KIAA0319L: variants seen among roughly 807,000 people sequenced by gnomAD.
The protein encoded by KIAA0319L is dyslexia-associated protein KIAA0319-like protein.
A neutral mutation model predicts 120.1 loss-of-function variants in KIAA0319L; 55 were observed. That is an observed-to-expected ratio of 0.46 (90% CI 0.37 to 0.57). The LOEUF is 0.57. Ranked by LOEUF, KIAA0319L falls within the 20% of genes least tolerant of loss-of-function variation. The pLI is 0.00. For missense variants in KIAA0319L, 1,049 were observed against 1,255.3 expected (o/e 0.84, Z 2.48); for synonymous variants, 398 against 471.9 (o/e 0.84, Z 2.03).
intron 13 of KIAA0319L, among the ~76,000 whole-genome samples, chr1:35,450,817 T>C (rs548251712): frequency 2.0e-5 from 3 of 152,230 alleles, no homozygotes; most frequent in Non-Finnish European, 2.9e-5. Flanking sequence ...AGGTATGTGA[T>C]GATCAGAAAT....
chr1:35,533,441 G>A (rs576924761), intron 2 of KIAA0319L: 13 of 152,178 alleles, frequency 8.5e-5, no homozygotes, highest in African/African-American at 2.4e-4. Flanking sequence ...TGGGGTTTTC[G>A]CTGCAGAAAC....
chr1:35,504,506 A>C (rs955738603), intron 3 of KIAA0319L, among the ~76,000 whole-genome samples: 2 of 152,118 alleles, frequency 1.3e-5, no homozygotes, highest in African/African-American at 4.8e-5. Flanking sequence ...AATTTTCTTA[A>C]CATTTTATCT....
chr1:35,538,929 T>C (rs544655396), intron 2 of KIAA0319L, among the ~76,000 whole-genome samples: 4 of 152,194 alleles, frequency 2.6e-5, no homozygotes, highest in East Asian at 1.9e-4. Context: ...TTATCTAGTA[T>C]AGACTATCTC....
At chr1:35,471,178 A>T (rs757402164) in intron 5 of KIAA0319L, among the ~76,000 whole-genome samples, 23 of 152,160 alleles carry the variant, frequency 1.5e-4, no homozygotes, top group African/African-American at 5.6e-4. Flanking sequence ...CTCTCTCCCA[A>T]CAATGCTTAT....
At chr1:35,436,962 ACT>A (rs1182758866) in intron 20 of KIAA0319L, among the ~76,000 whole-genome samples, 23 of 151,850 alleles carry the variant, frequency 1.5e-4, no homozygotes, top group Admixed American at 5.2e-4. Flanking sequence ...CCTCCTAGTG[ACT>A]CTACTCTAGG....
chr1:35,531,367 G>T (rs1045392378), intron 2 of KIAA0319L, among the ~76,000 whole-genome samples: 1 of 152,208 alleles, frequency 6.6e-6, no homozygotes, highest in African/African-American at 2.4e-5. Flanking sequence ...CTTGCTGCTA[G>T]AGCCCTCTAG....
chr1:35,532,240 CAA>C (rs542083819), intron 2 of KIAA0319L, among the ~76,000 whole-genome samples: 12 of 98,432 alleles, frequency 1.2e-4, no homozygotes, highest in Non-Finnish European at 1.5e-4. Context: ...GACTCCGTCT[CAA>C]AAAAAAAAAA....
intron 2 of KIAA0319L, among the ~76,000 whole-genome samples, chr1:35,534,277 T>A (rs1275235863): frequency 6.6e-6 from 1 of 152,232 alleles, no homozygotes; most frequent in Non-Finnish European, 1.5e-5. Context: ...TGTGTACATA[T>A]TCTGACTTCT....
intron 2 of KIAA0319L, among the ~76,000 whole-genome samples, chr1:35,515,637 T>A (rs1441529262): frequency 6.6e-6 from 1 of 151,756 alleles, no homozygotes; most frequent in Non-Finnish European, 1.5e-5. Context: ...CAACCTAACA[T>A]CACAACTGAA....
In KIAA0319L at chr1:35,485,828, G is replaced by A. The variant is rs116843011; in HGVS notation, c.667-6616C>T. On this transcript the variant is annotated intron_variant, in intron 3 of 20. Coordinates refer to ENST00000325722, the MANE Select transcript of KIAA0319L (RefSeq NM_024874.5). ...ATTTTTTTTCCTTTTCAATTGAGAC[G>A]GGGTCTCACTATGTTGAGTTCCAGG... Among the ~76,000 whole-genome samples the A allele has an allele frequency of 5.5e-4, 83 of 152,142 alleles. 1 individual carries two copies. The East Asian group carries it at 0.015, about 28-fold the overall frequency.
Position 35,506,242 on chromosome 1 carries a change from G to A in KIAA0319L, c.666+370C>T, listed in dbSNP as rs1031775576. Among the ~76,000 whole-genome samples the A allele has an allele frequency of 2.0e-5, 3 of 152,302 alleles. No homozygotes were observed. In the South Asian group the frequency reaches 6.2e-4, roughly 32 times the overall value. On this transcript the variant is annotated intron_variant, in intron 3 of 20. Coordinates refer to ENST00000325722, the MANE Select transcript of KIAA0319L (RefSeq NM_024874.5). This position sits in a 1 kb window ranked among gnomAD's most constrained non-coding sequence, Gnocchi z 4.0. ...AATGTGTTTACAGGCGAGAGATGGAGGAGAACTTGACTGTAACCACATCAA... is the reference window on the plus strand; with the variant it reads ...AATGTGTTTACAGGCGAGAGATGGAAGAGAACTTGACTGTAACCACATCAA...
At chr1:35,456,291 G>A (rs1166303190) in intron 9 of KIAA0319L, 50 bp from the exon 10 acceptor site, 6 of 1,217,428 alleles carry the variant, frequency 4.9e-6, no homozygotes, top group East Asian at 2.4e-5. Context: ...TAAGGAAAGA[G>A]GAATAAACAC....
At chr1:35,468,486 C>T (rs1209652853) in intron 6 of KIAA0319L, among the ~76,000 whole-genome samples, 1 of 152,194 alleles carries the variant, frequency 6.6e-6, no homozygotes, top group African/African-American at 2.4e-5. Flanking sequence ...CCCTTTCCCC[C>T]AGCTACTAAC....
intron 2 of KIAA0319L, chr1:35,510,841 C>CA (rs1645411326): frequency 6.6e-6 from 1 of 151,686 alleles, no homozygotes; most frequent in East Asian, 1.9e-4. Flanking sequence ...CTCCTGGGTT[C>CA]AAGCAATCCC....
At chr1:35,521,714 T>G (rs188454817) in intron 2 of KIAA0319L, among the ~76,000 whole-genome samples, 143 of 151,986 alleles carry the variant, frequency 9.4e-4, no homozygotes, top group African/African-American at 2.4e-3. Flanking sequence ...GGCTCACGCC[T>G]GTAATCCCAG....
At position 35,451,643 on chromosome 1, in the gene KIAA0319L, C is replaced by T; in HGVS notation, c.2047G>A (p.Val683Ile). The change falls in exon 13 of 21, where the codon GTC becomes ATC. Residue 683 changes from valine (V) to isoleucine (I), a missense_variant. Transcript: ENST00000325722. ...AGAGAGGTACCTTCTTTGACAATGA[C>T]ATTCACAGAGCTCTGGCTTTGCAGG... Reference protein sequence around the residue: ...RNLQSQSSVNVIVKEEINKPP... With the variant: ...RNLQSQSSVNIIVKEEINKPP... 1 of 1,614,090 alleles carries T rather than the reference C, an allele frequency of 6.2e-7. No homozygotes were observed.
intron 14 of KIAA0319L, among the ~76,000 whole-genome samples, 165 bp downstream of exon 14, chr1:35,450,193 A>G (rs1420094536): frequency 6.6e-6 from 1 of 152,194 alleles, no homozygotes; most frequent in Non-Finnish European, 1.5e-5. Context: ...ATTCTGTGCT[A>G]TACTAGCTTA....
intron 3 of KIAA0319L, among the ~76,000 whole-genome samples, chr1:35,499,673 T>G (rs540253688): frequency 6.6e-6 from 1 of 150,632 alleles, no homozygotes; most frequent in South Asian, 2.1e-4. Flanking sequence ...CCAGAACTAT[T>G]AGATTAGAGG....
chr1:35,525,095 T>C (rs2148453042), intron 2 of KIAA0319L, among the ~76,000 whole-genome samples: 1 of 152,348 alleles, frequency 6.6e-6, no homozygotes, highest in Middle Eastern at 3.4e-3. Flanking sequence ...TGAGTAAGTA[T>C]ATGCAATATT....
Sources: gnomAD v4.1 joint callset for allele counts (sites outside exome capture counted in the v4.1 genomes callset) on GRCh38, gnomAD v4.1.1 for gene constraint, Gnocchi (gnomAD v3.1) non-coding constraint, MANE v1.5 for transcripts, NCBI Gene and HGNC (gene_info 2026-07-23, HGNC 2026-07-21) for gene names.